Variants in SH3BGRL observed in about 807,000 individuals in gnomAD.
SH3BGRL encodes the protein SH3 domain binding glutamate rich protein like, also known as adapter SH3BGRL.
A neutral mutation model predicts 9.8 loss-of-function variants in SH3BGRL; 7 were observed. The observed-to-expected ratio is 0.72, with a 90% CI of 0.41 to 1.35. The LOEUF (loss-of-function observed/expected upper bound fraction) is 1.35, where lower values mean the gene tolerates loss of function less well. Among genes scored for constraint, SH3BGRL ranks in the 40% most tolerant of loss-of-function variants. The pLI, the probability that SH3BGRL is intolerant of heterozygous loss-of-function variation, is 0.01. For synonymous variants in SH3BGRL, 36 were observed against 29.1 expected, an observed-to-expected ratio of 1.24 and a Z score of -0.76; for missense variants, 73 against 84.4, an observed-to-expected ratio of 0.86 and a Z score of 0.53.
intron 1 of SH3BGRL, among the ~76,000 whole-genome samples, chrX:81,264,458 A>C (rs769602467): frequency 8.9e-6 from 1 of 111,853 alleles, no homozygotes; most frequent in Non-Finnish European, 1.9e-5. Context: ...AACACTTAAC[A>C]AGCACTCAAC....
intron 3 of SH3BGRL, among the ~76,000 whole-genome samples, chrX:81,296,557 G>T: frequency 9.0e-6 from 1 of 111,194 alleles, no homozygotes; most frequent in South Asian, 3.8e-4. Flanking sequence ...CAGGTGTTTA[G>T]AATGATGTTG....
At chrX:81,287,407 C>T (rs753093137) in intron 3 of SH3BGRL, among the ~76,000 whole-genome samples, 43 of 111,573 alleles carry the variant, frequency 3.9e-4, no homozygotes, top group African/African-American at 1.4e-3. Context: ...GTACAATCAA[C>T]CAAGATTGAA....
intron 1 of SH3BGRL, chrX:81,202,649 A>G (rs999581290): frequency 6.3e-5 from 38 of 601,153 alleles, no homozygotes; most frequent in Non-Finnish European, 7.4e-5. Flanking sequence ...ACTTCTGTAA[A>G]GGATGGGGGT....
chrX:81,235,308 C>A (rs1167951642), intron 1 of SH3BGRL, among the ~76,000 whole-genome samples: 2 of 110,378 alleles, frequency 1.8e-5, no homozygotes, highest in African/African-American at 6.6e-5. Context: ...AAAGTAGTTG[C>A]TTTTTTCTTT....
intron 1 of SH3BGRL, among the ~76,000 whole-genome samples, chrX:81,209,657 T>A (rs6616726): frequency 0.16 from 18,138 of 110,839 alleles, 1,546 homozygotes; most frequent in East Asian, 0.71. Context: ...AAAAATCCTG[T>A]TATATGATTT....
chrX:81,210,230 T>A (rs1276176904), intron 1 of SH3BGRL, among the ~76,000 whole-genome samples: 1 of 110,850 alleles, frequency 9.0e-6, no homozygotes, highest in Non-Finnish European at 1.9e-5. Flanking sequence ...CATGAGAAAA[T>A]TTTCTGTTTC....
At chrX:81,242,428 G>T (rs772332960) in intron 1 of SH3BGRL, among the ~76,000 whole-genome samples, 4 of 111,979 alleles carry the variant, frequency 3.6e-5, no homozygotes, top group Non-Finnish European at 5.6e-5. Context: ...ATGGATTAAA[G>T]ACTTAAATAT....
intron 1 of SH3BGRL, among the ~76,000 whole-genome samples, chrX:81,265,872 C>T (rs757876308): frequency 3.6e-5 from 4 of 111,737 alleles, no homozygotes; most frequent in African/African-American, 6.5e-5. Context: ...CAGCATCTGT[C>T]GTTTCCTGAC....
chrX:81,204,147 C>A (rs1160717262), intron 1 of SH3BGRL, among the ~76,000 whole-genome samples: 1 of 111,869 alleles, frequency 8.9e-6, no homozygotes, highest in Non-Finnish European at 1.9e-5. Context: ...TATTTTATTT[C>A]AATTTTTTGT....
At chrX:81,277,925 G>A (rs1036884544) in intron 2 of SH3BGRL, among the ~76,000 whole-genome samples, 1 of 112,025 alleles carries the variant, frequency 8.9e-6, no homozygotes, top group African/African-American at 3.2e-5. Context: ...CCCCAAGGAG[G>A]TAGATGATTC....
intron 1 of SH3BGRL, among the ~76,000 whole-genome samples, chrX:81,238,310 A>G (rs1183281744): frequency 8.9e-6 from 1 of 111,788 alleles, no homozygotes; most frequent in African/African-American, 3.3e-5. Context: ...CTACAAGCCG[A>G]CTTACGGGCC....
intron 3 of SH3BGRL, among the ~76,000 whole-genome samples, chrX:81,294,579 C>G (rs1253159965): frequency 9.0e-6 from 1 of 110,613 alleles, no homozygotes; most frequent in African/African-American, 3.3e-5. Context: ...AGGTGGGGCT[C>G]TCATGGAGAA....
At chrX:81,278,040 G>T (rs958152829) in intron 2 of SH3BGRL, among the ~76,000 whole-genome samples, 1 of 111,504 alleles carries the variant, frequency 9.0e-6, no homozygotes, top group Non-Finnish European at 1.9e-5. Context: ...TTGGCTCACT[G>T]CAACCTCCGC....
intron 1 of SH3BGRL, among the ~76,000 whole-genome samples, chrX:81,217,333 A>G (rs1236860124): frequency 9.4e-6 from 1 of 106,622 alleles, no homozygotes; most frequent in African/African-American, 3.4e-5. Flanking sequence ...TTGTTTCTCT[A>G]GTTCCATTAG....
chrX:81,214,991 A>G (rs777776765), intron 1 of SH3BGRL, among the ~76,000 whole-genome samples: 1 of 111,575 alleles, frequency 9.0e-6, no homozygotes, highest in Admixed American at 9.5e-5. Flanking sequence ...GAGGCTGGAA[A>G]GAGTATACGG....
intron 1 of SH3BGRL, among the ~76,000 whole-genome samples, chrX:81,254,268 A>G (rs771134925): frequency 1.3e-4 from 15 of 111,794 alleles, no homozygotes; most frequent in Non-Finnish European, 2.8e-4. Context: ...AACTTCTTGG[A>G]TCATTTGATT....
At chrX:81,261,318 A>G (rs1475013376) in intron 1 of SH3BGRL, among the ~76,000 whole-genome samples, 1 of 111,642 alleles carries the variant, frequency 9.0e-6, no homozygotes, top group African/African-American at 3.2e-5. Flanking sequence ...CTATTCAATG[A>G]AATAATATAT....
rs183586343 is a variant in SH3BGRL at position 81,205,344 on chromosome X, G to A, written c.45+3099G>A. 5.5e-4 allele frequency among the ~76,000 whole-genome samples: 61 copies of A among 110,212 alleles called. No homozygotes were observed. In the East Asian group the frequency reaches 0.015, roughly 27 times the overall value. On this transcript the variant is annotated intron_variant, in intron 1 of 3. Coordinates refer to ENST00000373212, the MANE Select transcript of SH3BGRL (RefSeq NM_003022.3). Reference sequence around the variant, plus strand: ...TGTGGTATGTCTTTTGTCTTTCTGTGTTATGTCTTAGTTCACTTAAAATAA... The same window carrying A: ...TGTGGTATGTCTTTTGTCTTTCTGTATTATGTCTTAGTTCACTTAAAATAA...
chrX:81,259,962 A>G (rs1360729547), intron 1 of SH3BGRL, among the ~76,000 whole-genome samples: 1 of 111,781 alleles, frequency 8.9e-6, no homozygotes, highest in East Asian at 2.8e-4. Flanking sequence ...AAGATCCAGG[A>G]GGCTTTTATT....
Sources: gnomAD v4.1 joint callset for allele counts (sites outside exome capture counted in the v4.1 genomes callset) on GRCh38, gnomAD v4.1.1 for gene constraint, MANE v1.5 for transcripts, NCBI Gene and HGNC (gene_info 2026-07-23, HGNC 2026-07-21) for gene names.